The following CELA2B variants were observed in gnomAD, a reference collection of about 807,000 sequenced individuals.
CELA2B encodes the protein chymotrypsin like elastase 2B.
Under a neutral mutation model 36.5 loss-of-function variants are expected in CELA2B, and 27 were observed. That is an observed-to-expected ratio of 0.74 (90% confidence interval 0.55 to 1.02). The LOEUF is 1.02. Among genes scored for constraint, CELA2B ranks in the 50% least tolerant of loss-of-function variants. The pLI is 0.00. For synonymous variants in CELA2B, 143 were observed against 148.5 expected (o/e 0.96, Z 0.27); for missense variants, 340 against 347.8 (o/e 0.98, Z 0.18).
chr1:15,480,386 G>A (rs1708724429), intron 2 of CELA2B, among the ~76,000 whole-genome samples: 1 of 152,034 alleles, frequency 6.6e-6, no homozygotes, highest in South Asian at 2.1e-4. Flanking sequence ...CTAATTTTGG[G>A]GTATTTTTCT....
chr1:15,483,051 T>TGCTGGCATTACAG (rs372766664), intron 4 of CELA2B, among the ~76,000 whole-genome samples: 1 of 152,058 alleles, frequency 6.6e-6, no homozygotes, highest in Admixed American at 6.5e-5. Flanking sequence ...CCTCCCAAAG[T>TGCTGGCATTACAG]GCTGGCATTA....
At chr1:15,484,014 T>C (rs903271575) in intron 5 of CELA2B, among the ~76,000 whole-genome samples, 2 of 151,972 alleles carry the variant, frequency 1.3e-5, no homozygotes, top group Non-Finnish European at 2.9e-5. Context: ...AAGCCTGGCA[T>C]GTGGTAGGTG....
intron 7 of CELA2B, among the ~76,000 whole-genome samples, chr1:15,488,928 C>T (rs1708838996): frequency 6.6e-6 from 1 of 152,002 alleles, no homozygotes; most frequent in Non-Finnish European, 1.5e-5. Flanking sequence ...GCAGAAATTC[C>T]AAAAAAGTTT....
chr1:15,486,238 T>C (rs1261430628), intron 6 of CELA2B, among the ~76,000 whole-genome samples, 192 bp downstream of exon 6: 1 of 152,154 alleles, frequency 6.6e-6, no homozygotes, highest in African/African-American at 2.4e-5. Flanking sequence ...CCCAGCACTT[T>C]GGGAGGCCGA....
intron 3 of CELA2B, chr1:15,481,865 C>A: frequency 2.4e-6 from 1 of 412,250 alleles, no homozygotes. Context: ...GCTTCTAGTT[C>A]TGATTTCTCA....
At chr1:15,489,882 TG>T (rs1397248223) in intron 7 of CELA2B, among the ~76,000 whole-genome samples, 1 of 152,186 alleles carries the variant, frequency 6.6e-6, no homozygotes, top group African/African-American at 2.4e-5. Context: ...GTTTTTGTTT[TG>T]TTTTTTTTCA....
rs1708739286 is a variant in CELA2B, at chr1:15,481,260, T to C, written c.227+65T>C. ...CGGTGCTCATTTCTGAGCTGGGGGC[T>C]CAAATGGCCTGAACCACACTACATG... On this transcript the variant is annotated intron_variant, in intron 3 of 7. Coordinates refer to ENST00000375910, the MANE Select transcript of CELA2B (RefSeq NM_015849.3). The C allele has an allele frequency of 3.2e-6, 5 of 1,585,502 alleles. No homozygotes were observed. In the Admixed American group the frequency reaches 8.3e-5, roughly 26 times the overall value.
chr1:15,483,921 T>G (rs1371548132), intron 5 of CELA2B, among the ~76,000 whole-genome samples: 2 of 141,230 alleles, frequency 1.4e-5, no homozygotes, highest in Non-Finnish European at 3.1e-5. Context: ...AGAGCGAGAC[T>G]CCATCTCCAA....
chr1:15,485,592 A>G (rs1218862954), intron 5 of CELA2B, among the ~76,000 whole-genome samples: 1 of 152,244 alleles, frequency 6.6e-6, no homozygotes, highest in Non-Finnish European at 1.5e-5. Flanking sequence ...ACATAGAAGA[A>G]AATGTCAGCC....
chr1:15,478,678 G>C (rs1037055349), intron 2 of CELA2B, among the ~76,000 whole-genome samples: 4 of 150,790 alleles, frequency 2.7e-5, no homozygotes, highest in East Asian at 3.9e-4. Flanking sequence ...CAATTCTCCT[G>C]CCTCAGCCTC....
chr1:15,484,646 C>G (rs1485314901), intron 5 of CELA2B, among the ~76,000 whole-genome samples: 1 of 152,074 alleles, frequency 6.6e-6, no homozygotes, highest in Non-Finnish European at 1.5e-5. Flanking sequence ...CCCAGCCAAC[C>G]CTGGGGCAGG....
intron 3 of CELA2B, chr1:15,481,639 T>C (rs1708742830): frequency 2.1e-6 from 1 of 474,184 alleles, no homozygotes; most frequent in Admixed American, 2.3e-5. Context: ...TAATTCTGAA[T>C]TGCAGACAAA....
At chr1:15,485,150 C>T (rs904272384) in intron 5 of CELA2B, among the ~76,000 whole-genome samples, 1 of 152,198 alleles carries the variant, frequency 6.6e-6, no homozygotes, top group African/African-American at 2.4e-5. Flanking sequence ...CCTGCCTTGG[C>T]GTCCTAAACT....
intron 2 of CELA2B, among the ~76,000 whole-genome samples, chr1:15,480,162 T>C (rs1292172804): frequency 6.6e-6 from 1 of 152,054 alleles, no homozygotes; most frequent in Non-Finnish European, 1.5e-5. Context: ...CGACACACAG[T>C]TGAGGTAGTG....
Position 15,482,319 on chromosome 1 carries a change from G to A in CELA2B, c.282G>A (p.Glu94=). Residue 94 remains glutamate (E), a synonymous_variant, in exon 4 of 8, where the codon GAG becomes GAA. Coordinates refer to ENST00000375910, the MANE Select transcript of CELA2B (RefSeq NM_015849.3). ...GCCAGCATAACCTCTACGTTGCAGA[G>A]TCCGGCTCGCTGGCCGTCAGTGTCT... ...MLGQHNLYVA[E]SGSLAVSVSK... The A allele has an allele frequency of 6.2e-7, 1 of 1,614,134 alleles. No homozygotes were observed.
chr1:15,486,143 G>C (rs745822600), intron 6 of CELA2B, 97 bp downstream of exon 6: 131 of 1,475,182 alleles, frequency 8.9e-5, no homozygotes, highest in Non-Finnish European at 1.7e-5. Context: ...TCCATCCTCC[G>C]ACCTCCTGGC....
intron 1 of CELA2B, 58 bp from the exon 2 acceptor site, chr1:15,476,399 T>C: frequency 6.5e-7 from 1 of 1,536,938 alleles, no homozygotes. Context: ...GCAGCATGTA[T>C]AGTTTACATT....
At chr1:15,484,052 T>C (rs1292744083) in intron 5 of CELA2B, among the ~76,000 whole-genome samples, 1 of 152,162 alleles carries the variant, frequency 6.6e-6, no homozygotes, top group Non-Finnish European at 1.5e-5. Flanking sequence ...TCACTGTCCC[T>C]ATGATGGAAA....
At chr1:15,476,855 G>T (rs1041700455) in intron 2 of CELA2B, among the ~76,000 whole-genome samples, 11 of 152,120 alleles carry the variant, frequency 7.2e-5, no homozygotes, top group African/African-American at 2.2e-4. Flanking sequence ...AGTGGCACAC[G>T]CCTGTAATCC....
Sources: gnomAD v4.1 joint callset for allele counts (sites outside exome capture counted in the v4.1 genomes callset) on GRCh38, gnomAD v4.1.1 for gene constraint, MANE v1.5 for transcripts, NCBI Gene and HGNC (gene_info 2026-07-23, HGNC 2026-07-21) for gene names.